ATP6V0A4: variants seen among roughly 807,000 people sequenced by gnomAD.
The protein encoded by ATP6V0A4 is V-type proton ATPase 116 kDa subunit a 4.
A neutral mutation model predicts 107.3 loss-of-function variants in ATP6V0A4; 86 were observed. The ratio of observed to expected loss-of-function variants is 0.80; its 90% CI spans 0.67 to 0.96. ATP6V0A4 has a LOEUF of 0.96. ATP6V0A4 is among the 40% of genes least tolerant of loss of function. The pLI, the probability that ATP6V0A4 is intolerant of heterozygous loss-of-function variation, is 0.00. For missense variants in ATP6V0A4, 908 were observed against 1,045.6 expected, an observed-to-expected ratio of 0.87 and a Z score of 1.81; for synonymous variants, 353 against 381.4, an observed-to-expected ratio of 0.93 and a Z score of 0.87.
chr7:138,728,672 A>G (rs547728720), intron 18 of ATP6V0A4, 89 bp downstream of exon 18: 4 of 1,574,856 alleles, frequency 2.5e-6, no homozygotes, highest in Admixed American at 1.7e-5. Flanking sequence ...CTGGCAGCCC[A>G]GGACGATTCT....
chr7:138,763,016 C>G lies in ATP6V0A4; in HGVS notation c.301G>C (p.Glu101Gln). ...REMITLETVL[E>Q]KLEGELQEAN... ...TCCTGTAACTCTCCTTCCAGTTTTT[C>G]TAGAACAGTCTATGCAGGAAGGAAA... The change falls in exon 6 of 22, where the codon GAA becomes CAA. Residue 101 changes from glutamate to glutamine, a missense_variant. Glu to Gln is a conservative substitution (Grantham distance 29, BLOSUM62 2). Transcript: ENST00000310018. The G allele has an allele frequency of 1.9e-6, 3 of 1,614,042 alleles. No homozygotes were observed. The highest frequency in any genetic ancestry group is 2.5e-6 in the Non-Finnish European group (3 of 1,180,018).
At chr7:138,737,579 C>CTTTTTTTTTTT (rs373540257) in intron 15 of ATP6V0A4, among the ~76,000 whole-genome samples, 4 of 134,640 alleles carry the variant, frequency 3.0e-5, no homozygotes, top group Non-Finnish European at 6.4e-5. Flanking sequence ...TTTTCTTTTT[C>CTTTTTTTTTTT]TTTTTTTTTT....
chr7:138,727,597 A>G (rs1320307178), intron 18 of ATP6V0A4, among the ~76,000 whole-genome samples: 3 of 152,174 alleles, frequency 2.0e-5, no homozygotes, highest in Non-Finnish European at 2.9e-5. Flanking sequence ...AAACTTCCTG[A>G]ACTCAAGTCT....
At chr7:138,781,463 G>A (rs1807916905) in intron 2 of ATP6V0A4, among the ~76,000 whole-genome samples, 1 of 151,902 alleles carries the variant, frequency 6.6e-6, no homozygotes, top group African/African-American at 2.4e-5. Flanking sequence ...CCAAGTAGCT[G>A]GGATTACAAG....
In ATP6V0A4 at chr7:138,776,967, G is replaced by A. The variant is rs190458859; in HGVS notation, c.-17-5703C>T. Among the ~76,000 whole-genome samples, 95 of 152,084 alleles carry A rather than the reference G, an allele frequency of 6.2e-4. No homozygotes were observed. In the Middle Eastern group the frequency reaches 0.014, roughly 22 times the overall value. ...GTTCGAGACCAGCCTGGCCAACATG[G>A]TGAAAACTCCCCTCTCCACTAATAA... On this transcript the variant is annotated intron_variant, in intron 2 of 21. Transcript: ENST00000310018.
At chr7:138,736,201 C>A (rs1190848154) in intron 15 of ATP6V0A4, among the ~76,000 whole-genome samples, 18 of 152,080 alleles carry the variant, frequency 1.2e-4, no homozygotes, top group African/African-American at 4.3e-4. Flanking sequence ...CATGATCATG[C>A]CACTACATTA....
chr7:138,720,391 T>C (rs1249597096), intron 19 of ATP6V0A4, among the ~76,000 whole-genome samples: 1 of 152,018 alleles, frequency 6.6e-6, no homozygotes, highest in Non-Finnish European at 1.5e-5. Context: ...CCTGCTCATG[T>C]TGGAGGTGGC....
chr7:138,750,406 A>G (rs1043192408), intron 11 of ATP6V0A4, among the ~76,000 whole-genome samples: 2 of 152,026 alleles, frequency 1.3e-5, no homozygotes, highest in Non-Finnish European at 2.9e-5. Flanking sequence ...ATACAGTGCT[A>G]TGTTACACAG....
intron 1 of ATP6V0A4, among the ~76,000 whole-genome samples, chr7:138,788,464 C>A (rs1254265921): frequency 1.3e-5 from 2 of 152,196 alleles, no homozygotes. Flanking sequence ...TCTACCCGAG[C>A]TAACCCACAG....
At chr7:138,730,106 G>C (rs970663286) in intron 17 of ATP6V0A4, among the ~76,000 whole-genome samples, 1 of 152,108 alleles carries the variant, frequency 6.6e-6, no homozygotes, top group South Asian at 2.1e-4. Context: ...GGATGGTCTC[G>C]ATCTCCTGAC....
intron 15 of ATP6V0A4, among the ~76,000 whole-genome samples, chr7:138,736,016 C>T (rs577269980): frequency 3.4e-5 from 5 of 145,534 alleles, no homozygotes; most frequent in Admixed American, 1.4e-4. Context: ...TGTGGCGAGC[C>T]GAGATCGCAC....
At chr7:138,798,008 G>C (rs944309357) in intron 1 of ATP6V0A4, 26 bp downstream of exon 1, 3 of 1,549,198 alleles carry the variant, frequency 1.9e-6, no homozygotes, top group Non-Finnish European at 2.6e-6. Flanking sequence ...TTGCTTTCCA[G>C]CTCCTGCAGG....
At chr7:138,727,771 G>A (rs1408588406) in intron 18 of ATP6V0A4, among the ~76,000 whole-genome samples, 4 of 152,286 alleles carry the variant, frequency 2.6e-5, no homozygotes, top group East Asian at 1.9e-4. Flanking sequence ...AGCAGAGAAC[G>A]ACCATCTCAA....
chr7:138,775,033 A>G (rs970708883), intron 2 of ATP6V0A4, among the ~76,000 whole-genome samples: 1 of 152,102 alleles, frequency 6.6e-6, no homozygotes, highest in African/African-American at 2.4e-5. Flanking sequence ...TGCAACAGCC[A>G]CCTGCGTTTG....
Position 138,768,840 on chromosome 7 carries a change from T to C in ATP6V0A4, c.231A>G (p.Val77=), listed in dbSNP as rs1347918695. 1.9e-6 allele frequency: 3 copies of C among 1,614,076 alleles called. No homozygotes were observed. Among genetic ancestry groups the C allele is most frequent in the Non-Finnish European group, 2.5e-6 (3 of 1,180,044 alleles). ...GTGGGCTTTTCTCGAGCAACTGAACTACAATCTCATTTTGCATCTCGTCTT... is the reference window on the plus strand; with the variant it reads ...GTGGGCTTTTCTCGAGCAACTGAACCACAATCTCATTTTGCATCTCGTCTT... ...FLEDEMQNEI[V]VQLLEKSPLT... Residue 77 remains valine, a synonymous_variant, in exon 5 of 22, where the codon GTA becomes GTG. Coordinates refer to ENST00000310018, the MANE Select transcript of ATP6V0A4 (RefSeq NM_020632.3).
Position 138,798,130 on chromosome 7 carries a change from G to A in ATP6V0A4, c.-217C>T, listed in dbSNP as rs369472835. On this transcript the variant is annotated 5_prime_UTR_variant, in exon 1 of 22. Coordinates refer to ENST00000310018, the MANE Select transcript of ATP6V0A4 (RefSeq NM_020632.3). ...ATGCAGCGCCTCCCCGCTGCCACCC[G>A]GGCCACCCTGATCCTCAGCCTGGCC... is the stretch of plus-strand genomic sequence containing the variant. 3.3e-5 allele frequency: 53 copies of A among 1,601,386 alleles called. No homozygotes were observed. Among genetic ancestry groups the A allele is most frequent in the South Asian group, 3.3e-4 (29 of 88,416 alleles).
chr7:138,753,171 A>G (rs995374128), intron 10 of ATP6V0A4, among the ~76,000 whole-genome samples: 1 of 152,208 alleles, frequency 6.6e-6, no homozygotes, highest in Non-Finnish European at 1.5e-5. Flanking sequence ...GAATCAGGTT[A>G]AGAAGAGGTC....
At chr7:138,718,584 CGGAATGGGGA>C (rs1321199640) in intron 19 of ATP6V0A4, among the ~76,000 whole-genome samples, 38 of 59,374 alleles carry the variant, frequency 6.4e-4, no homozygotes, top group East Asian at 1.7e-3. Flanking sequence ...AGGCATGGGG[CGGAATGGGGA>C]GGAATGGGGA....
chr7:138,771,986 CATGCACTCGA>C (rs1459256859), intron 2 of ATP6V0A4, among the ~76,000 whole-genome samples: 1 of 152,204 alleles, frequency 6.6e-6, no homozygotes, highest in Non-Finnish European at 1.5e-5. Flanking sequence ...CAGGCCCTTT[CATGCACTCGA>C]ATGTCACTCT....
Sources: allele counts gnomAD v4.1 joint callset (sites outside exome capture counted in the v4.1 genomes callset), GRCh38; gene constraint gnomAD v4.1.1; transcripts MANE v1.5; gene names NCBI Gene and HGNC (gene_info 2026-07-23, HGNC 2026-07-21).